RBFOX1: variants seen among roughly 807,000 people sequenced by gnomAD.
RBFOX1 encodes the protein RNA binding fox-1 homolog 1.
RBFOX1 carries 8 observed loss-of-function variants against 57.7 expected under a neutral mutation model. The observed-to-expected ratio is 0.14, with a 90% CI of 0.08 to 0.25. RBFOX1 has a LOEUF of 0.25. Ranked by LOEUF, RBFOX1 falls within the 10% of genes least tolerant of loss-of-function variation. RBFOX1 has a pLI of 1.00. For missense variants in RBFOX1, 611 were observed against 548.5 expected, an observed-to-expected ratio of 1.11 and a Z score of -1.14; for synonymous variants, 326 against 222.4, an observed-to-expected ratio of 1.47 and a Z score of -4.15.
At chr16:6,560,031 A>G (rs967074652) in intron 2 of RBFOX1, among the ~76,000 whole-genome samples, 1 of 152,106 alleles carries the variant, frequency 6.6e-6, no homozygotes, top group South Asian at 2.1e-4. Context: ...ATCACTTACT[A>G]CCTATGCTAA....
At chr16:5,491,453 A>C (rs953550046) in intron 2 of RBFOX1, among the ~76,000 whole-genome samples, 6 of 152,228 alleles carry the variant, frequency 3.9e-5, no homozygotes, top group Non-Finnish European at 8.8e-5. Flanking sequence ...ATATTCACCA[A>C]GTGTCATGTA....
Position 7,534,389 on chromosome 16 carries a change from G to A in RBFOX1, c.270+16000G>A, listed in dbSNP as rs898876392. Among the ~76,000 whole-genome samples the A allele has an allele frequency of 1.4e-4, 22 of 151,996 alleles. No homozygotes were observed. The East Asian group carries it at 3.9e-3, about 27-fold the overall frequency. ...ATTACAGGCATGAACCACAGTGCAC[G>A]GCCACCACAGCAACTCTTTAAACAC... On this transcript the variant is annotated intron_variant, in intron 5 of 15. Transcript: ENST00000550418.
At chr16:7,703,112 C>G (rs1598489932) in intron 14 of RBFOX1, among the ~76,000 whole-genome samples, 1 of 152,088 alleles carries the variant, frequency 6.6e-6, no homozygotes, top group Non-Finnish European at 1.5e-5. Context: ...AACCACTGAA[C>G]CACAGTTGGT....
At chr16:7,191,827 C>G (rs80258838) in intron 4 of RBFOX1, among the ~76,000 whole-genome samples, 1 of 152,032 alleles carries the variant, frequency 6.6e-6, no homozygotes, top group African/African-American at 2.4e-5. Flanking sequence ...ACCATTGAGG[C>G]GAAAGAGTCC....
intron 2 of RBFOX1, among the ~76,000 whole-genome samples, chr16:6,597,299 C>T (rs533550271): frequency 6.6e-6 from 1 of 152,224 alleles, no homozygotes; most frequent in South Asian, 2.1e-4. Flanking sequence ...TACCCTAAAG[C>T]CATCTGAGTC....
intron 4 of RBFOX1, among the ~76,000 whole-genome samples, chr16:7,408,148 C>T (rs1204538176): frequency 6.6e-6 from 1 of 152,188 alleles, no homozygotes; most frequent in South Asian, 2.1e-4. Flanking sequence ...CATACACATT[C>T]TTTGAATTAC....
intron 3 of RBFOX1, among the ~76,000 whole-genome samples, chr16:6,700,183 C>A (rs933601249): frequency 6.6e-6 from 1 of 152,012 alleles, no homozygotes; most frequent in Non-Finnish European, 1.5e-5. Flanking sequence ...GGGGGACTTA[C>A]TCAATTTTTC....
At chr16:7,649,757 G>A (rs138077426) in intron 11 of RBFOX1, among the ~76,000 whole-genome samples, 89 of 152,246 alleles carry the variant, frequency 5.8e-4, no homozygotes, top group African/African-American at 2.0e-3. Flanking sequence ...TGAGCAGAAC[G>A]TGGAGATCAC....
intron 2 of RBFOX1, among the ~76,000 whole-genome samples, chr16:6,613,099 C>G (rs1453591476): frequency 1.3e-5 from 2 of 151,294 alleles, no homozygotes; most frequent in African/African-American, 4.9e-5. Context: ...CAGGAACTGT[C>G]AGGCCTGATT....
chr16:7,534,160 C>T (rs1465606829), intron 5 of RBFOX1, among the ~76,000 whole-genome samples: 1 of 149,684 alleles, frequency 6.7e-6, no homozygotes, highest in African/African-American at 2.5e-5. Context: ...GATCTCGGCT[C>T]ACTGCAGCCT....
intron 3 of RBFOX1, among the ~76,000 whole-genome samples, chr16:7,006,486 A>C (rs138676149): frequency 2.0e-5 from 3 of 151,958 alleles, no homozygotes; most frequent in Non-Finnish European, 2.9e-5. Context: ...CAGGGTGTCT[A>C]TTGGTCAGGC....
At chr16:7,156,163 C>A (rs1025610703) in intron 4 of RBFOX1, among the ~76,000 whole-genome samples, 1 of 151,786 alleles carries the variant, frequency 6.6e-6, no homozygotes, top group African/African-American at 2.4e-5. Flanking sequence ...GACCACTGTG[C>A]CTGGCCGATC....
chr16:5,850,378 C>T (rs979571551), intron 3 of RBFOX1, among the ~76,000 whole-genome samples: 3 of 152,122 alleles, frequency 2.0e-5, no homozygotes, highest in Non-Finnish European at 4.4e-5. Flanking sequence ...AGACACATGT[C>T]CTTCGAACCA....
At chr16:6,580,110 C>A (rs143255321) in intron 2 of RBFOX1, among the ~76,000 whole-genome samples, 1 of 152,020 alleles carries the variant, frequency 6.6e-6, no homozygotes, top group Non-Finnish European at 1.5e-5. Flanking sequence ...AGGTGCCCAC[C>A]ACCGCACCTA....
chr16:7,603,743 A>C (rs1299121785), intron 9 of RBFOX1, among the ~76,000 whole-genome samples: 1 of 152,212 alleles, frequency 6.6e-6, no homozygotes, highest in South Asian at 2.1e-4. Flanking sequence ...GAAAAAGGGA[A>C]GTGGTACCAA....
At chr16:6,235,274 C>T (rs560212064) in intron 1 of RBFOX1, among the ~76,000 whole-genome samples, 1 of 152,206 alleles carries the variant, frequency 6.6e-6, no homozygotes, top group African/African-American at 2.4e-5. Context: ...TCCCCTCCTC[C>T]ACACAGAATG....
chr16:7,690,374 A>G (rs1226832576), intron 14 of RBFOX1, among the ~76,000 whole-genome samples: 1 of 152,150 alleles, frequency 6.6e-6, no homozygotes, highest in Non-Finnish European at 1.5e-5. Flanking sequence ...TTCAGAGGTT[A>G]CCATTTAATT....
At chr16:5,414,386 G>A (rs1253261821) in intron 1 of RBFOX1, among the ~76,000 whole-genome samples, 1 of 152,310 alleles carries the variant, frequency 6.6e-6, no homozygotes, top group South Asian at 2.1e-4. Context: ...CTGTGGGCTT[G>A]CTTAAAGCAG....
Position 6,349,311 on chromosome 16 carries a change from AT to A in RBFOX1, c.-64+32258del, listed in dbSNP as rs557817577. ...TCACTCAGCTGATAAGGAGGCTGACATTTTACCTCTTAGAAGTTTTGTCAGA... is the reference window on the plus strand; with the variant it reads ...TCACTCAGCTGATAAGGAGGCTGACATTTACCTCTTAGAAGTTTTGTCAGA... On this transcript the variant is annotated intron_variant, in intron 2 of 15. Coordinates refer to ENST00000550418, the MANE Select transcript of RBFOX1 (RefSeq NM_018723.4). Among the ~76,000 whole-genome samples the A allele has an allele frequency of 7.9e-5, 12 of 152,256 alleles. No homozygotes were observed. The East Asian group carries it at 2.3e-3, about 29-fold the overall frequency.
Sources: gnomAD v4.1 joint callset for allele counts (sites outside exome capture counted in the v4.1 genomes callset) on GRCh38, gnomAD v4.1.1 for gene constraint, MANE v1.5 for transcripts, NCBI Gene and HGNC (gene_info 2026-07-23, HGNC 2026-07-21) for gene names.